THSD4: variants seen among roughly 807,000 people sequenced by gnomAD.
THSD4 encodes the protein thrombospondin type-1 domain-containing protein 4.
A neutral mutation model predicts 119.0 loss-of-function variants in THSD4; 69 were observed. The observed-to-expected ratio is 0.58, with a 90% CI of 0.48 to 0.71. THSD4 has a LOEUF of 0.71. THSD4 is among the 30% of genes least tolerant of loss of function. THSD4 has a pLI of 0.00. For missense variants in THSD4, 1,393 were observed against 1,391.1 expected (o/e 1.00, Z -0.02); for synonymous variants, 524 against 540.4 (o/e 0.97, Z 0.42).
In THSD4 at chr15:71,143,962, G is replaced by A. The variant is rs111817207; in HGVS notation, c.29+2406G>A. ...GGCCTGGGGAACTCACCTCTAAACT[G>A]TGCATTATTTCAAGGAAATTGCCCA... On this transcript the variant is annotated intron_variant, in intron 2 of 17. Transcript: ENST00000261862. Among the ~76,000 whole-genome samples, 1,006 of 152,064 alleles carry A rather than the reference G, an allele frequency of 6.6e-3. 15 individuals carry two copies. Among genetic ancestry groups the A allele is most frequent in the African/African-American group, 0.023 (970 of 41,480 alleles).
At chr15:71,737,600 C>G in intron 10 of THSD4, 132 bp from the exon 11 acceptor site, 7 of 1,271,454 alleles carry the variant, frequency 5.5e-6, no homozygotes, top group Non-Finnish European at 7.4e-6. Context: ...TTATTTTAAA[C>G]AGATGTGCTT....
At chr15:71,502,549 T>C (rs1379134047) in intron 7 of THSD4, among the ~76,000 whole-genome samples, 1 of 152,204 alleles carries the variant, frequency 6.6e-6, no homozygotes, top group Non-Finnish European at 1.5e-5. Context: ...AGTGCAGTAG[T>C]AACATATCAA....
chr15:71,531,560 T>C (rs1385557706), intron 7 of THSD4, among the ~76,000 whole-genome samples: 2 of 152,240 alleles, frequency 1.3e-5, no homozygotes, highest in South Asian at 2.1e-4. Context: ...TTTGAATCCC[T>C]GCTTTGCTGC....
At chr15:71,097,505 G>T (rs1025485773) in intron 1 of THSD4, among the ~76,000 whole-genome samples, 1 of 151,296 alleles carries the variant, frequency 6.6e-6, no homozygotes, top group African/African-American at 2.4e-5. Flanking sequence ...GGTCAAGGTT[G>T]CCGTCAGCCA....
intron 6 of THSD4, among the ~76,000 whole-genome samples, chr15:71,297,173 AGTG>A (rs1400034336): frequency 6.6e-6 from 1 of 151,852 alleles, no homozygotes; most frequent in African/African-American, 2.4e-5. Flanking sequence ...GTGGGTGTGA[AGTG>A]GTATTCATTG....
Position 71,355,147 on chromosome 15 carries a change from T to G in THSD4, c.1016-56540T>G, listed in dbSNP as rs546897807. ...CATCATGTTGTTTGGGCTGAAAGTC[T>G]TCTTTCTGGAGATTTCTGTGTACTG... On this transcript the variant is annotated intron_variant, in intron 6 of 17. Coordinates refer to ENST00000261862, the MANE Select transcript of THSD4 (RefSeq NM_024817.3). Among the ~76,000 whole-genome samples, 134 of 152,364 alleles carry G rather than the reference T, an allele frequency of 8.8e-4. 4 individuals are homozygous for G. The South Asian group carries it at 0.026, about 30-fold the overall frequency.
At chr15:71,705,034 G>A (rs1419295365) in intron 8 of THSD4, among the ~76,000 whole-genome samples, 1 of 152,186 alleles carries the variant, frequency 6.6e-6, no homozygotes, top group Non-Finnish European at 1.5e-5. Flanking sequence ...GAGGTAGAAT[G>A]TGGGCCCAGC....
chr15:71,378,099 A>G (rs1287981519), intron 6 of THSD4, among the ~76,000 whole-genome samples: 3 of 152,216 alleles, frequency 2.0e-5, no homozygotes, highest in African/African-American at 7.2e-5. Context: ...CTAAGGGGAT[A>G]GCATTTACGT....
At chr15:71,768,977 C>T (rs1406371769) in intron 16 of THSD4, among the ~76,000 whole-genome samples, 1 of 93,644 alleles carries the variant, frequency 1.1e-5, no homozygotes, top group African/African-American at 4.2e-5. Flanking sequence ...GTCGGCCCCC[C>T]GCCCGGCCAG....
chr15:71,274,538 A>G (rs2044568869), intron 6 of THSD4, among the ~76,000 whole-genome samples: 1 of 152,132 alleles, frequency 6.6e-6, no homozygotes, highest in Admixed American at 6.5e-5. Context: ...CCTGATTCCT[A>G]TAATCCTGGT....
rs191409371 is a variant in THSD4, at chr15:71,540,295, G to A, written c.1153-120235G>A. Among the ~76,000 whole-genome samples the A allele has an allele frequency of 8.2e-5, 12 of 146,498 alleles. No individual in the cohort carries two copies. The East Asian group carries it at 1.4e-3, about 17-fold the overall frequency. On this transcript the variant is annotated intron_variant, in intron 7 of 17. Transcript: ENST00000261862. Reference sequence around the variant, plus strand: ...TGGGATTATAGGCATGCACCACCACGCCCGGCTAATTTTTATATTTTTAGT... The same window carrying A: ...TGGGATTATAGGCATGCACCACCACACCCGGCTAATTTTTATATTTTTAGT...
At position 71,346,628 on chromosome 15, in the gene THSD4, C is replaced by T. The variant is rs186076730; in HGVS notation, c.1016-65059C>T. On this transcript the variant is annotated intron_variant, in intron 6 of 17. Coordinates refer to ENST00000261862, the MANE Select transcript of THSD4 (RefSeq NM_024817.3). ...ATCAGCCATTTTTCCAAGGAGCCCTCGTCCATTTTTTTTGGAGAATAGTAT... is the reference window on the plus strand; with the variant it reads ...ATCAGCCATTTTTCCAAGGAGCCCTTGTCCATTTTTTTTGGAGAATAGTAT... Among the ~76,000 whole-genome samples the T allele has an allele frequency of 4.3e-3, 648 of 152,204 alleles. 11 individuals are homozygous for T. The highest frequency in any genetic ancestry group is 6.8e-3 in the Middle Eastern group (2 of 294).
chr15:71,500,634 G>A (rs112605322), intron 7 of THSD4, among the ~76,000 whole-genome samples: 2,113 of 152,234 alleles, frequency 0.014, 17 homozygotes, highest in Middle Eastern at 0.051. Context: ...TCTTTAATCC[G>A]TTTTCAGTTA....
chr15:71,222,397 A>T (rs1596276925), intron 4 of THSD4, among the ~76,000 whole-genome samples: 1 of 152,178 alleles, frequency 6.6e-6, no homozygotes, highest in East Asian at 1.9e-4. Flanking sequence ...TTTTCTGGTC[A>T]TTCATCACAC....
chr15:71,680,330 G>A (rs957927506), intron 8 of THSD4, among the ~76,000 whole-genome samples: 1 of 152,178 alleles, frequency 6.6e-6, no homozygotes, highest in African/African-American at 2.4e-5. Context: ...TTCTCAGCAG[G>A]CAGCATAGAT....
At chr15:71,132,078 G>A (rs534449311) in intron 1 of THSD4, among the ~76,000 whole-genome samples, 2 of 152,148 alleles carry the variant, frequency 1.3e-5, no homozygotes, top group Non-Finnish European at 2.9e-5. Flanking sequence ...ATCAAATTAG[G>A]AGAGATTGCA....
intron 6 of THSD4, among the ~76,000 whole-genome samples, chr15:71,376,085 A>G (rs1476452577): frequency 1.3e-5 from 2 of 151,898 alleles, no homozygotes; most frequent in African/African-American, 4.8e-5. Context: ...TTCTTATGCA[A>G]GAGATTCTGA....
intron 7 of THSD4, among the ~76,000 whole-genome samples, chr15:71,442,660 G>GTATGTATATA (rs1555414328): frequency 3.9e-5 from 1 of 25,828 alleles, no homozygotes; most frequent in South Asian, 2.4e-3. Flanking sequence ...GTGTGTGTGT[G>GTATGTATATA]TATATATATA....
Position 71,454,960 on chromosome 15 carries a change from TG to T in THSD4, c.1152+43138del, listed in dbSNP as rs530243679. On this transcript the variant is annotated intron_variant, in intron 7 of 17. Transcript: ENST00000261862. ...GCCTGTGGGACCCCTGCTACAGCTT[TG>T]ATTTTCAACATGAATCTTCTCTGAT... 2.5e-4 allele frequency among the ~76,000 whole-genome samples: 38 copies of T among 152,324 alleles called. No individual in the cohort carries two copies. The East Asian group carries it at 5.8e-3, about 23-fold the overall frequency.
Sources: allele counts gnomAD v4.1 joint callset (sites outside exome capture counted in the v4.1 genomes callset), GRCh38; gene constraint gnomAD v4.1.1; transcripts MANE v1.5; gene names NCBI Gene and HGNC (gene_info 2026-07-23, HGNC 2026-07-21).